ESCO1: variants seen among roughly 807,000 people sequenced by gnomAD.
ESCO1 encodes the protein N-acetyltransferase ESCO1.
In ESCO1, 33 loss-of-function variants were observed where a neutral mutation model predicts 83.5. The observed-to-expected ratio is 0.40, with a 90% CI of 0.30 to 0.53. The LOEUF is 0.53. Among genes scored for constraint, ESCO1 ranks in the 20% least tolerant of loss-of-function variants. ESCO1 has a pLI of 0.63. For synonymous variants in ESCO1, 332 were observed against 324.3 expected, an observed-to-expected ratio of 1.02 and a Z score of -0.25; for missense variants, 855 against 968.0, an observed-to-expected ratio of 0.88 and a Z score of 1.55.
chr18:21,548,758 A>G (rs1350660317), intron 8 of ESCO1, among the ~76,000 whole-genome samples: 1 of 152,160 alleles, frequency 6.6e-6, no homozygotes, highest in African/African-American at 2.4e-5. Context: ...TGGGCAACAA[A>G]GCAAGATCTT....
chr18:21,538,711 T>TA (rs1285720184), intron 9 of ESCO1, among the ~76,000 whole-genome samples: 1 of 151,884 alleles, frequency 6.6e-6, no homozygotes, highest in Non-Finnish European at 1.5e-5. Flanking sequence ...ATTGTTAACC[T>TA]AAAAAAAAGT....
intron 8 of ESCO1, among the ~76,000 whole-genome samples, chr18:21,552,787 A>G (rs1484791627): frequency 1.3e-5 from 2 of 152,246 alleles, no homozygotes; most frequent in Non-Finnish European, 2.9e-5. Flanking sequence ...ATCTACATGT[A>G]AAAGTAATCT....
intron 2 of ESCO1, among the ~76,000 whole-genome samples, chr18:21,579,164 T>C (rs1021394200): frequency 6.6e-6 from 1 of 151,656 alleles, no homozygotes; most frequent in African/African-American, 2.4e-5. Context: ...CTGGCCTTTT[T>C]TGTACTTTTA....
chr18:21,568,678 G>A (rs184725999), intron 4 of ESCO1, among the ~76,000 whole-genome samples: 21 of 152,156 alleles, frequency 1.4e-4, no homozygotes, highest in African/African-American at 4.3e-4. Context: ...CGAGACGGGC[G>A]GATCACTTGA....
chr18:21,564,183 T>G lies in ESCO1; in HGVS notation c.1821+20A>C. 6.9e-7 allele frequency: 1 copy of G among 1,446,716 alleles called. No individual in the cohort carries two copies. Among genetic ancestry groups the G allele is most frequent in the Non-Finnish European group, 9.6e-7 (1 of 1,042,764 alleles). 89.6% of individuals were successfully genotyped at this position (1,446,716 alleles called of 1,614,324 possible). A position where few individuals can be genotyped will look rare whatever the true frequency, so the allele number is the denominator to read the frequency against. ...TGGTTCTAACAACAATTCACCAAAATGGTCAAGTTGTGTACTTACTATAAT... is the reference window on the plus strand; with the variant it reads ...TGGTTCTAACAACAATTCACCAAAAGGGTCAAGTTGTGTACTTACTATAAT... On this transcript the variant is annotated intron_variant, in intron 7 of 11. Transcript: ENST00000269214.
At chr18:21,568,368 T>G (rs759732047) in intron 4 of ESCO1, among the ~76,000 whole-genome samples, 2 of 152,070 alleles carry the variant, frequency 1.3e-5, no homozygotes, top group African/African-American at 4.8e-5. Flanking sequence ...GGAGGATCAC[T>G]TAAGCCCAGG....
intron 5 of ESCO1, among the ~76,000 whole-genome samples, chr18:21,567,302 G>A (rs944441964): frequency 6.6e-6 from 1 of 151,924 alleles, no homozygotes; most frequent in African/African-American, 2.4e-5. Flanking sequence ...GATTACAGGC[G>A]TGCACCACCA....
chr18:21,593,995 T>C (rs945208744), intron 1 of ESCO1, among the ~76,000 whole-genome samples: 10 of 152,120 alleles, frequency 6.6e-5, no homozygotes, highest in South Asian at 2.1e-4. Flanking sequence ...AGAGTCTTTG[T>C]TATGGGTGGG....
intron 8 of ESCO1, among the ~76,000 whole-genome samples, chr18:21,551,676 C>T (rs1279424928): frequency 1.3e-5 from 2 of 152,180 alleles, no homozygotes; most frequent in East Asian, 3.9e-4. Flanking sequence ...TCTGAAGAAA[C>T]TCCAAATACA....
At chr18:21,558,073 C>T (rs1568099792) in intron 8 of ESCO1, among the ~76,000 whole-genome samples, 1 of 151,582 alleles carries the variant, frequency 6.6e-6, no homozygotes, top group African/African-American at 2.4e-5. Context: ...TCAAGCCAAC[C>T]TCCTGAGCTC....
chr18:21,536,256 T>C (rs2037835959), intron 9 of ESCO1, 71 bp from the exon 10 acceptor site: 1 of 1,490,614 alleles, frequency 6.7e-7, no homozygotes, highest in Non-Finnish European at 9.0e-7. Flanking sequence ...ACTATTTCAG[T>C]TCAGTAGATC....
At chr18:21,543,992 G>A (rs1246930893) in intron 8 of ESCO1, among the ~76,000 whole-genome samples, 1 of 152,136 alleles carries the variant, frequency 6.6e-6, no homozygotes. Context: ...AATAATCTTT[G>A]GCCAAGCGCA....
Position 21,575,730 on chromosome 18 carries a change from T to TA in ESCO1, c.-647dup, listed in dbSNP as rs2038410894. The TA allele has an allele frequency of 2.5e-6, 1 of 398,170 alleles. No individual in the cohort carries two copies. The highest frequency in any genetic ancestry group is 4.4e-5 in the Admixed American group (1 of 22,702). 24.7% of individuals were successfully genotyped at this position (398,170 alleles called of 1,614,324 possible). ...AGCCACCATAACTCATGAAGAAAAT[T>TA]AGACAAAACCATTCCTTCTAATATG... On this transcript the variant is annotated 5_prime_UTR_variant, in exon 3 of 12. It introduces an in-frame stop codon into an upstream open reading frame of the 5' UTR. Transcript: ENST00000269214.
intron 8 of ESCO1, among the ~76,000 whole-genome samples, chr18:21,548,141 T>C (rs8090799): frequency 0.32 from 47,923 of 151,312 alleles, 10,298 homozygotes; most frequent in African/African-American, 0.58. Flanking sequence ...TCCCTGGGCT[T>C]GAAAGGCACA....
intron 2 of ESCO1, among the ~76,000 whole-genome samples, chr18:21,580,906 C>T (rs1346630608): frequency 6.6e-6 from 1 of 152,182 alleles, no homozygotes; most frequent in Non-Finnish European, 1.5e-5. Flanking sequence ...AGAAAAATCT[C>T]TTGAACCCAG....
intron 1 of ESCO1, among the ~76,000 whole-genome samples, chr18:21,589,397 T>G (rs559666606): frequency 7.6e-4 from 90 of 117,698 alleles, no homozygotes; most frequent in African/African-American, 2.1e-3. Context: ...ATCTTGATGG[T>G]TTTTTTTACT....
At chr18:21,563,738 C>T (rs527709286) in intron 7 of ESCO1, among the ~76,000 whole-genome samples, 6 of 152,226 alleles carry the variant, frequency 3.9e-5, no homozygotes, top group African/African-American at 1.2e-4. Flanking sequence ...TGCATAAATA[C>T]AATGCTGCTA....
chr18:21,571,219 A>C (rs1354722884), intron 4 of ESCO1, among the ~76,000 whole-genome samples: 1 of 151,546 alleles, frequency 6.6e-6, no homozygotes, highest in Non-Finnish European at 1.5e-5. Context: ...ACAGACTTTC[A>C]CTCTGTCACC....
At chr18:21,571,016 A>G (rs2038333570) in intron 4 of ESCO1, among the ~76,000 whole-genome samples, 1 of 151,986 alleles carries the variant, frequency 6.6e-6, no homozygotes, top group East Asian at 1.9e-4. Context: ...CTACACCTGT[A>G]ATGTACCTTT....
Sources: gnomAD v4.1 joint callset for allele counts (sites outside exome capture counted in the v4.1 genomes callset) on GRCh38, gnomAD v4.1.1 for gene constraint, MANE v1.5 for transcripts, NCBI Gene and HGNC (gene_info 2026-07-23, HGNC 2026-07-21) for gene names.